The following MARCHF11 variants were observed in gnomAD, a reference collection of about 807,000 sequenced individuals.
MARCHF11 encodes E3 ubiquitin-protein ligase MARCHF11.
A neutral mutation model predicts 37.3 loss-of-function variants in MARCHF11; 29 were observed. That is an observed-to-expected ratio of 0.78 (90% CI 0.58 to 1.06). MARCHF11 has a LOEUF of 1.06. MARCHF11 is among the 50% of genes least tolerant of loss of function. MARCHF11 has a pLI of 0.00. For synonymous variants in MARCHF11, 233 were observed against 228.0 expected (o/e 1.02, Z -0.20); for missense variants, 482 against 533.4 (o/e 0.90, Z 0.95).
chr5:16,172,790 T>C (rs1201022430), intron 2 of MARCHF11, among the ~76,000 whole-genome samples: 1 of 152,170 alleles, frequency 6.6e-6, no homozygotes, highest in Non-Finnish European at 1.5e-5. Flanking sequence ...GACCATGGGT[T>C]CCTCAGAAAG....
chr5:16,069,389 T>A (rs750856231), intron 3 of MARCHF11, among the ~76,000 whole-genome samples: 1 of 152,128 alleles, frequency 6.6e-6, no homozygotes, highest in African/African-American at 2.4e-5. Flanking sequence ...GGGAAGTGGC[T>A]TCAAAGAGGG....
At chr5:16,081,113 C>G (rs996359751) in intron 3 of MARCHF11, among the ~76,000 whole-genome samples, 1 of 152,194 alleles carries the variant, frequency 6.6e-6, no homozygotes, top group African/African-American at 2.4e-5. Context: ...TTCTTCTCCC[C>G]CATAGACTGC....
rs58891017 is a variant in MARCHF11, at chr5:16,151,649, A to ATGTGTGTGTGTG, written c.693+26065_693+26076dup. 8.4e-3 allele frequency among the ~76,000 whole-genome samples: 1,103 copies of ATGTGTGTGTGTG among 131,472 alleles called. 13 individuals are homozygous for ATGTGTGTGTGTG. Among genetic ancestry groups the ATGTGTGTGTGTG allele is most frequent in the Non-Finnish European group, 0.012 (771 of 62,462 alleles). 86.3% of individuals were successfully genotyped at this position (131,472 alleles called of 152,430 possible). ...GTGTGTGTGTGCATGCGTGAGTTGA[A>ATGTGTGTGTGTG]TGTGTGTGTGTGTGTGTGTGTGTGT... On this transcript the variant is annotated intron_variant, in intron 2 of 3. Transcript: ENST00000332432.
At position 16,067,618 on chromosome 5, in the gene MARCHF11, T is replaced by G. The variant is rs373886135; in HGVS notation, c.1062A>C (p.Arg354Ser). ...TTAACTGAGTTGGGTGGACCAAGTT[T>G]CTGTTCCGCAGAGCTGTCAATGGCA... ...LWLPLTALRN[R>S]NLVHPTQLTS... Residue 354 changes from arginine (R) to serine (S), a missense_variant, in exon 4 of 4, where the codon AGA becomes AGC. Arg to Ser is a moderately radical substitution (Grantham distance 110). Coordinates refer to ENST00000332432, the MANE Select transcript of MARCHF11 (RefSeq NM_001102562.3). 102 of 1,613,860 alleles carry G rather than the reference T, an allele frequency of 6.3e-5. No homozygotes were observed. The highest frequency in any genetic ancestry group is 7.9e-5 in the Non-Finnish European group (93 of 1,179,862).
chr5:16,082,938 C>A (rs1217192918), intron 3 of MARCHF11, among the ~76,000 whole-genome samples: 1 of 151,734 alleles, frequency 6.6e-6, no homozygotes, highest in Non-Finnish European at 1.5e-5. Context: ...CACCCCCACT[C>A]CATGGGTGAA....
intron 2 of MARCHF11, 26 bp downstream of exon 2, chr5:16,177,700 G>A (rs914691408): frequency 1.3e-6 from 2 of 1,576,912 alleles, no homozygotes; most frequent in Non-Finnish European, 1.7e-6. Context: ...ATTATTTCAG[G>A]AAAAATAAAT....
At position 16,116,884 on chromosome 5, in the gene MARCHF11, C is replaced by T. The variant is rs575846857; in HGVS notation, c.694-25803G>A. On this transcript the variant is annotated intron_variant, in intron 2 of 3. Transcript: ENST00000332432. The stretch of plus-strand genomic sequence containing the variant: ...ATGTATGGTCAGAGAGTGGGAGGTG[C>T]TAAGACTTATTTCAAGTACAGGGAA... 3.9e-5 allele frequency among the ~76,000 whole-genome samples: 6 copies of T among 152,244 alleles called. No homozygotes were observed. The South Asian group carries it at 1.2e-3, about 32-fold the overall frequency.
intron 2 of MARCHF11, among the ~76,000 whole-genome samples, chr5:16,109,467 G>A (rs1737100736): frequency 6.6e-6 from 1 of 152,226 alleles, no homozygotes; most frequent in Non-Finnish European, 1.5e-5. Flanking sequence ...TGAACGCATG[G>A]AGCTGCCCGG....
intron 2 of MARCHF11, among the ~76,000 whole-genome samples, chr5:16,103,843 C>A (rs1373115359): frequency 6.6e-6 from 1 of 152,034 alleles, no homozygotes; most frequent in Non-Finnish European, 1.5e-5. Flanking sequence ...GAGGCCCTGG[C>A]AGATGAGACG....
chr5:16,149,813 C>T (rs970806066), intron 2 of MARCHF11, among the ~76,000 whole-genome samples: 2 of 152,044 alleles, frequency 1.3e-5, no homozygotes, highest in Admixed American at 1.3e-4. Flanking sequence ...AGTGGACCTG[C>T]ACCCGTGGTA....
At chr5:16,157,106 A>G (rs1425281214) in intron 2 of MARCHF11, among the ~76,000 whole-genome samples, 1 of 151,686 alleles carries the variant, frequency 6.6e-6, no homozygotes, top group Non-Finnish European at 1.5e-5. Context: ...AAACAATCCT[A>G]TTTACAATAG....
chr5:16,146,140 C>G (rs1737791430), intron 2 of MARCHF11, among the ~76,000 whole-genome samples: 1 of 152,154 alleles, frequency 6.6e-6, no homozygotes, highest in South Asian at 2.1e-4. Flanking sequence ...ATCATGTCAA[C>G]CTCTTCAGTC....
chr5:16,080,343 C>CCT, intron 3 of MARCHF11, among the ~76,000 whole-genome samples: 1 of 152,130 alleles, frequency 6.6e-6, no homozygotes, highest in South Asian at 2.1e-4. Context: ...CAGCCACGAT[C>CCT]CTCTCCCTCC....
intron 3 of MARCHF11, among the ~76,000 whole-genome samples, chr5:16,084,092 G>GA (rs200935743): frequency 2.7e-5 from 4 of 150,324 alleles, no homozygotes; most frequent in Non-Finnish European, 3.0e-5. Context: ...ACTCCATCTG[G>GA]AAAAAAAAAG....
Position 16,096,486 on chromosome 5 carries a change from T to C in MARCHF11, c.694-5405A>G, listed in dbSNP as rs570368758. Among the ~76,000 whole-genome samples the C allele has an allele frequency of 2.0e-5, 3 of 152,286 alleles. No individual in the cohort carries two copies. The South Asian group carries it at 6.2e-4, about 32-fold the overall frequency. Reference sequence around the variant, plus strand: ...ACCAGTCCTACAAAGGTTCTGAAAATGTACATGGCCCAGAATTGGGTATCT... The same window carrying C: ...ACCAGTCCTACAAAGGTTCTGAAAACGTACATGGCCCAGAATTGGGTATCT... On this transcript the variant is annotated intron_variant, in intron 2 of 3. Coordinates refer to ENST00000332432, the MANE Select transcript of MARCHF11 (RefSeq NM_001102562.3).
intron 2 of MARCHF11, among the ~76,000 whole-genome samples, chr5:16,160,635 T>C (rs1738060071): frequency 6.6e-6 from 1 of 151,686 alleles, no homozygotes; most frequent in Non-Finnish European, 1.5e-5. Flanking sequence ...TCAAAGTATC[T>C]GAACAGAGTA....
chr5:16,152,509 G>T (rs1302817123), intron 2 of MARCHF11, among the ~76,000 whole-genome samples: 1 of 151,954 alleles, frequency 6.6e-6, no homozygotes, highest in African/African-American at 2.4e-5. Flanking sequence ...AGACAAGAAG[G>T]ATAGGTGTAA....
intron 2 of MARCHF11, among the ~76,000 whole-genome samples, chr5:16,118,731 A>G (rs891183401): frequency 1.3e-5 from 2 of 152,148 alleles, no homozygotes; most frequent in Non-Finnish European, 2.9e-5. Context: ...ACAAAGGAGG[A>G]TGCCACATAC....
At chr5:16,072,510 C>CTGTGTGTGTGTGTGTG (rs34699021) in intron 3 of MARCHF11, among the ~76,000 whole-genome samples, 19 of 146,714 alleles carry the variant, frequency 1.3e-4, no homozygotes, top group South Asian at 8.9e-4. Flanking sequence ...CTCTCTCACT[C>CTGTGTGTGTGTGTGTG]TGTGTGTGTG....
Sources: allele counts gnomAD v4.1 joint callset (sites outside exome capture counted in the v4.1 genomes callset), GRCh38; gene constraint gnomAD v4.1.1; transcripts MANE v1.5; gene names NCBI Gene and HGNC (gene_info 2026-07-23, HGNC 2026-07-21).